Variants in TTN observed in about 807,000 individuals in gnomAD.
TTN encodes the protein titin, also known as connectin.
Under a neutral mutation model 3,223.0 loss-of-function variants are expected in TTN, and 1,525 were observed. That is an observed-to-expected ratio of 0.47 (90% CI 0.45 to 0.49). The LOEUF is 0.49. TTN is among the 20% of genes least tolerant of loss of function. The probability of loss-of-function intolerance (pLI) is 0.00; values close to 1 mark genes in which losing one functional copy is unlikely to be tolerated. For synonymous variants in TTN, 14,094 were observed against 15,161.0 expected (o/e 0.93, Z 5.17); for missense variants, 40,786 against 43,424.0 (o/e 0.94, Z 5.40).
At position 178,785,745 on chromosome 2, in the gene TTN, G is replaced by A. The variant is rs781723495; in HGVS notation, c.2371-3C>T. 7 of 1,614,144 alleles carry A rather than the reference G, an allele frequency of 4.3e-6. No homozygotes were observed. The highest frequency in any genetic ancestry group is 5.9e-6 in the Non-Finnish European group (7 of 1,179,994). On this transcript the variant is annotated splice_region_variant and splice_polypyrimidine_tract_variant and intron_variant, in intron 14 of 362. Coordinates refer to ENST00000589042, the MANE Select transcript of TTN (RefSeq NM_001267550.2). Reference sequence around the variant, plus strand: ...GTTAGATCTGTAGTTTTCTTGATCTGCATTGAAATGAAACTCAGTGATACC... The same window carrying A: ...GTTAGATCTGTAGTTTTCTTGATCTACATTGAAATGAAACTCAGTGATACC...
rs749308557 is a variant in TTN at position 178,613,888 on chromosome 2, G to A, written c.49395C>T (p.Asp16465=). ...TRLEPSDITK[D]AVTLTWCEPD... is the part of the protein sequence containing the mutation. ...GCTCACACCATGTGAGAGTCACTGC[G>A]TCTTTAGTGATATCAGAAGGTTCTA... is the stretch of plus-strand genomic sequence containing the variant. The change falls in exon 263 of 363, where the codon GAC becomes GAT. Residue 16465 remains aspartate (D), a synonymous_variant. Coordinates refer to ENST00000589042, the MANE Select transcript of TTN (RefSeq NM_001267550.2). 83 of 1,610,652 alleles carry A rather than the reference G, an allele frequency of 5.2e-5. No individual in the cohort carries two copies. Among genetic ancestry groups the A allele is most frequent in the Middle Eastern group, 3.3e-4 (2 of 6,058 alleles).
Position 178,567,817 on chromosome 2 carries a change from G to A in TTN, c.78315C>T (p.Ile26105=), listed in dbSNP as rs776432135. Residue 26105 remains isoleucine, a synonymous_variant, in exon 326 of 363, where the codon ATC becomes ATT. Coordinates refer to ENST00000589042, the MANE Select transcript of TTN (RefSeq NM_001267550.2). ...PEPIMVKRNE[I]TLQWTKPVYD... ...ACACAGGTTTGGTCCACTGTAAAGT[G>A]ATTTCATTTCTTTTAACCATTATTG... The A allele has an allele frequency of 3.7e-6, 6 of 1,613,502 alleles. No individual in the cohort carries two copies. The Admixed American group carries it at 1.0e-4, about 27-fold the overall frequency.
At position 178,574,063 on chromosome 2, in the gene TTN, A is replaced by G; in HGVS notation, c.72069T>C (p.Asp24023=). The change falls in exon 326 of 363, where the codon GAT becomes GAC. Residue 24023 remains aspartate (D), a synonymous_variant. Transcript: ENST00000589042. ...EPSDAITCRD[D]VEAPKIKVDV... ...CCACCTTTATCTTTGGTGCCTCAAC[A>G]TCATCCCTGCAAGTGATAGCATCAG... is the stretch of plus-strand genomic sequence containing the variant. 2 of 1,613,388 alleles carry G rather than the reference A, an allele frequency of 1.2e-6. No homozygotes were observed. The highest frequency in any genetic ancestry group is 1.3e-5 in the African/African-American group (1 of 75,000).
At chr2:178,755,128 C>T (rs1158681977) in intron 46 of TTN, among the ~76,000 whole-genome samples, 3 of 152,088 alleles carry the variant, frequency 2.0e-5, no homozygotes, top group Non-Finnish European at 1.5e-5. Context: ...GTTTTGACTA[C>T]GGGCACACAA....
Position 178,607,109 on chromosome 2 carries a change from T to C in TTN, c.53493A>G (p.Gln17831=), listed in dbSNP as rs1259584072. 11 of 1,612,596 alleles carry C rather than the reference T, an allele frequency of 6.8e-6. No individual in the cohort carries two copies. Among genetic ancestry groups the C allele is most frequent in the Non-Finnish European group, 9.3e-6 (11 of 1,179,226 alleles). ...TGGCAATAACACGGAACTTATATTC[T>C]TGTCCCTCAAGCAGACCTGTGATGT... ...KCDITGLLEG[Q]EYKFRVIAKN... The change falls in exon 278 of 363, where the codon CAA becomes CAG. Residue 17831 remains glutamine (Q), a synonymous_variant. Transcript: ENST00000589042.
At position 178,634,158 on chromosome 2, in the gene TTN, TA is replaced by T; in HGVS notation, c.42416-76del. 1 of 1,568,234 alleles carries T rather than the reference TA, an allele frequency of 6.4e-7. No individual in the cohort carries two copies. ...AAGATTCCATTCTAATCTGCCTGAG[TA>T]AAAGGGACCCATTTCACATGGCACT... On this transcript the variant is annotated intron_variant, in intron 230 of 362. Coordinates refer to ENST00000589042, the MANE Select transcript of TTN (RefSeq NM_001267550.2). The surrounding 1 kb of genome is among the most constrained non-coding windows in gnomAD (Gnocchi z 4.6).
intron 46 of TTN, chr2:178,753,382 T>G: frequency 2.2e-6 from 1 of 463,694 alleles, no homozygotes; most frequent in South Asian, 3.3e-5. Context: ...ATTTAAAACA[T>G]TTTTATTTTA....
intron 10 of TTN, among the ~76,000 whole-genome samples, chr2:178,791,111 G>A (rs1031757317): frequency 2.0e-5 from 3 of 152,162 alleles, no homozygotes; most frequent in Non-Finnish European, 4.4e-5. Context: ...TAGGGAACCC[G>A]GTGGGTGGCT....
Position 178,532,632 on chromosome 2 carries a change from T to A in TTN, c.103983A>T (p.Glu34661Asp). 6.2e-7 allele frequency: 1 copy of A among 1,613,990 alleles called. No individual in the cohort carries two copies. The highest frequency in any genetic ancestry group is 1.1e-5 in the South Asian group (1 of 91,080). ...RRRSLGDISD[E>D]ELLLPIDDYL... ...AGTCATCAATGGGGAGGAGTAATTC[T>A]TCATCAGAGATGTCCCCAAGAGAAC... Residue 34661 changes from glutamate to aspartate, a missense_variant, in exon 358 of 363, where the codon GAA (glutamate) becomes GAT (aspartate). Glu to Asp is a conservative substitution (Grantham distance 45). Coordinates refer to ENST00000589042, the MANE Select transcript of TTN (RefSeq NM_001267550.2).
chr2:178,790,641 G>T, intron 11 of TTN, 67 bp downstream of exon 11: 2 of 1,611,020 alleles, frequency 1.2e-6, no homozygotes, highest in South Asian at 1.1e-5. Context: ...GATCCATGAT[G>T]AAAATGTAGG....
intron 29 of TTN, 120 bp from the exon 30 acceptor site, chr2:178,774,593 T>C: frequency 1.1e-6 from 1 of 907,976 alleles, no homozygotes; most frequent in Non-Finnish European, 1.7e-6. Flanking sequence ...GTATTCTTAA[T>C]ATCTACCCGC....
In TTN at chr2:178,607,385, G is replaced by C. The variant is rs1266840872; in HGVS notation, c.53287+16C>G. 1 of 1,612,744 alleles carries C rather than the reference G, an allele frequency of 6.2e-7. No individual in the cohort carries two copies. The highest frequency in any genetic ancestry group is 8.5e-7 in the Non-Finnish European group (1 of 1,179,320). On this transcript the variant is annotated intron_variant, in intron 277 of 362. Transcript: ENST00000589042. ...ACTTGGGAAAATCCTGTGAAAATCA[G>C]TGCAACATTCCTTACCAAAAACTTC...
In TTN at chr2:178,688,692, C is replaced by G; in HGVS notation, c.32182G>C (p.Val10728Leu). 1 of 1,613,108 alleles carries G rather than the reference C, an allele frequency of 6.2e-7. No homozygotes were observed. Among genetic ancestry groups the G allele is most frequent in the Non-Finnish European group, 8.5e-7 (1 of 1,179,076 alleles). ...LSFAVPQRVE[V>L]TRHEVSAEEE... ...GATTATATACCTTCGTGCCGCGTGA[C>G]TTCCACTCTTTGAGGAACTGCGAAG... is the stretch of plus-strand genomic sequence containing the variant. Residue 10728 changes from valine to leucine, a missense_variant, in exon 126 of 363, where the codon GTC (valine) becomes CTC (leucine). Val to Leu is a conservative substitution (Grantham distance 32). Coordinates refer to ENST00000589042, the MANE Select transcript of TTN (RefSeq NM_001267550.2).
chr2:178,620,295 A>G lies in TTN; in HGVS notation c.46226T>C (p.Val15409Ala). The change falls in exon 248 of 363, where the codon GTC becomes GCC. Residue 15409 changes from valine (V) to alanine (A), a missense_variant. Coordinates refer to ENST00000589042, the MANE Select transcript of TTN (RefSeq NM_001267550.2). ...CTCTCTGGAGAGCTGGCAGGAGAAGACAGCGTCATCGAACTCAGTGACTGT... is the reference window on the plus strand; with the variant it reads ...CTCTCTGGAGAGCTGGCAGGAGAAGGCAGCGTCATCGAACTCAGTGACTGT... ...DQTVTEFDDA[V>A]FSCQLSREKA... The G allele has an allele frequency of 6.4e-7, 1 of 1,563,320 alleles. No homozygotes were observed. The highest frequency in any genetic ancestry group is 8.7e-7 in the Non-Finnish European group (1 of 1,155,022).
chr2:178,671,998 A>G lies in TTN; in HGVS notation c.35200T>C (p.Phe11734Leu). The G allele has an allele frequency of 6.2e-7, 1 of 1,603,728 alleles. No individual in the cohort carries two copies. The highest frequency in any genetic ancestry group is 8.5e-7 in the Non-Finnish European group (1 of 1,177,224). Reference sequence around the variant, plus strand: ...TTAGGTGGAGCTTTTGGTTTTTCAAATACTTCCACTTCTTCAGCCTCAAAA... The same window carrying G: ...TTAGGTGGAGCTTTTGGTTTTTCAAGTACTTCCACTTCTTCAGCCTCAAAA... Reference protein sequence around the residue: ...EVFEAEEVEVFEKPKAPPKGP... With the variant: ...EVFEAEEVEVLEKPKAPPKGP... Residue 11734 changes from phenylalanine to leucine, a missense_variant, in exon 155 of 363, where the codon TTT becomes CTT. Coordinates refer to ENST00000589042, the MANE Select transcript of TTN (RefSeq NM_001267550.2).
rs745525849 is a variant in TTN, at chr2:178,552,560, G to A, written c.90340C>T (p.Pro30114Ser). The change falls in exon 335 of 363, where the codon CCT becomes TCT. Residue 30114 changes from proline (P) to serine (S), a missense_variant. By Grantham distance (74) the Pro-to-Ser change is moderately conservative. Coordinates refer to ENST00000589042, the MANE Select transcript of TTN (RefSeq NM_001267550.2). ...FAKNEKGLSD[P>S]VTIGPITVKE... Reference sequence around the variant, plus strand: ...ACTGTAATTGGCCCAATAGTGACAGGATCACTCAGTCCTTTCTCATTTTTG... The same window carrying A: ...ACTGTAATTGGCCCAATAGTGACAGAATCACTCAGTCCTTTCTCATTTTTG... 6.2e-7 allele frequency: 1 copy of A among 1,613,756 alleles called. No individual in the cohort carries two copies. Among genetic ancestry groups the A allele is most frequent in the South Asian group, 1.1e-5 (1 of 91,074 alleles).
chr2:178,553,913 C>A lies in TTN; in HGVS notation c.89197+1G>T. On this transcript the variant is annotated splice_donor_variant, in intron 333 of 362. Coordinates refer to ENST00000589042, the MANE Select transcript of TTN (RefSeq NM_001267550.2). LOFTEE classifies it high-confidence loss of function. ...AAGATGCTGCAGGTATGAGCACTTA[C>A]CAATAGGATCAGCAGCTTTGTAGAA... The A allele has an allele frequency of 6.3e-7, 1 of 1,589,574 alleles. No individual in the cohort carries two copies. Among genetic ancestry groups the A allele is most frequent in the Non-Finnish European group, 8.5e-7 (1 of 1,170,212 alleles).
intron 272 of TTN, 57 bp from the exon 273 acceptor site, chr2:178,609,627 C>T: frequency 1.3e-6 from 2 of 1,551,496 alleles, no homozygotes; most frequent in Non-Finnish European, 1.7e-6. Flanking sequence ...ACTGACAAAA[C>T]ATTATTTTCA....
chr2:178,736,126 C>T (rs1574017433), intron 49 of TTN, 52 bp from the exon 50 acceptor site: 2 of 1,462,622 alleles, frequency 1.4e-6, no homozygotes, highest in East Asian at 4.6e-5. Flanking sequence ...AAAGCACTTG[C>T]TGTAATTATA....
Sources: gnomAD v4.1 joint callset for allele counts (sites outside exome capture counted in the v4.1 genomes callset) on GRCh38, gnomAD v4.1.1 for gene constraint, Gnocchi (gnomAD v3.1) non-coding constraint, MANE v1.5 for transcripts, NCBI Gene and HGNC (gene_info 2026-07-23, HGNC 2026-07-21) for gene names.